Variants in SLC35E1 observed in about 807,000 individuals in gnomAD.
SLC35E1 encodes solute carrier family 35 member E1, also known as solute carrier family 35, member E1.
A neutral mutation model predicts 31.0 loss-of-function variants in SLC35E1; 12 were observed. The observed-to-expected ratio is 0.39, with a 90% CI of 0.25 to 0.63. The LOEUF is 0.63. Among genes scored for constraint, SLC35E1 ranks in the 20% least tolerant of loss-of-function variants. The probability of loss-of-function intolerance (pLI) is 0.52; values close to 1 mark genes in which losing one functional copy is unlikely to be tolerated. For synonymous variants in SLC35E1, 257 were observed against 264.1 expected (o/e 0.97, Z 0.26); for missense variants, 429 against 572.2 (o/e 0.75, Z 2.55).
chr19:16,558,926 C>T (rs979052576), intron 4 of SLC35E1, among the ~76,000 whole-genome samples: 4 of 151,614 alleles, frequency 2.6e-5, no homozygotes, highest in Non-Finnish European at 4.4e-5. Flanking sequence ...CGTGCCACCA[C>T]GCCCAGCTAA....
intron 2 of SLC35E1, among the ~76,000 whole-genome samples, chr19:16,569,150 G>A (rs549310042): frequency 1.3e-5 from 2 of 151,932 alleles, no homozygotes; most frequent in African/African-American, 4.8e-5. Flanking sequence ...TCAGCTTTCT[G>A]AGTAGCTGGG....
At chr19:16,566,425 T>G in intron 4 of SLC35E1, 107 bp downstream of exon 4, 1 of 1,490,434 alleles carries the variant, frequency 6.7e-7, no homozygotes. Flanking sequence ...GGCTGTCAGG[T>G]GCCCAAAAGA....
At chr19:16,566,282 C>T in intron 4 of SLC35E1, 1 of 465,734 alleles carries the variant, frequency 2.1e-6, no homozygotes, top group Non-Finnish European at 3.8e-6. Context: ...CTTGACGCTA[C>T]TGGCGCACAC....
intron 3 of SLC35E1, 89 bp from the exon 4 acceptor site, chr19:16,566,746 G>A (rs972811669): frequency 4.0e-6 from 6 of 1,488,226 alleles, no homozygotes; most frequent in Non-Finnish European, 5.5e-6. Context: ...ACAGTGACTG[G>A]ACATTAACCC....
In SLC35E1 at chr19:16,568,167, T is replaced by C. The variant is rs373107429; in HGVS notation, c.495A>G (p.Val165=). The change falls in exon 3 of 6, where the codon GTA becomes GTG. Residue 165 remains valine, a splice_region_variant and synonymous_variant. Transcript: ENST00000595753. ...IIMKEKQSTK[V]YLSLIPIISG... Reference sequence around the variant, plus strand: ...TGATGATGGGGATGAGTGACAAGTATACCTGCAGGAAGAGGTCATCAAGAA... The same window carrying C: ...TGATGATGGGGATGAGTGACAAGTACACCTGCAGGAAGAGGTCATCAAGAA... The C allele has an allele frequency of 2.0e-5, 32 of 1,608,426 alleles. No homozygotes were observed. In the Admixed American group the frequency reaches 4.2e-4, roughly 21 times the overall value.
Position 16,572,150 on chromosome 19 carries a change from C to T in SLC35E1, c.215G>A (p.Gly72Glu). The change falls in exon 1 of 6, where the codon GGG becomes GAG. Residue 72 changes from glycine (G) to glutamate (E), a missense_variant. Transcript: ENST00000595753. The surrounding 1 kb of genome is among the most constrained non-coding windows in gnomAD (Gnocchi z 4.1). ...CCAGGCGCGCAGCAGCGGCGGGAGC[C>T]CAGCGCACAGAGCCAGGATGTGGCA... ...SLCHILALCA[G>E]LPPLLRAWRV... The T allele has an allele frequency of 6.6e-7, 1 of 1,514,548 alleles. No individual in the cohort carries two copies. The highest frequency in any genetic ancestry group is 8.8e-7 in the Non-Finnish European group (1 of 1,131,814). The allele number at this position is 1,514,548 out of a possible 1,614,324, so 93.8% of individuals were successfully genotyped here. A position where few individuals can be genotyped will look rare whatever the true frequency, so the allele number is the denominator to read the frequency against.
At chr19:16,563,749 G>A (rs1276840507) in intron 4 of SLC35E1, among the ~76,000 whole-genome samples, 1 of 152,154 alleles carries the variant, frequency 6.6e-6, no homozygotes, top group African/African-American at 2.4e-5. Flanking sequence ...CTAAAGTGCT[G>A]GGATTCCAGG....
At chr19:16,554,517 T>C (rs1036828734) in intron 5 of SLC35E1, among the ~76,000 whole-genome samples, 20 of 151,900 alleles carry the variant, frequency 1.3e-4, no homozygotes, top group East Asian at 5.8e-4. Context: ...CATATCTACA[T>C]GTGTTAAGAA....
chr19:16,556,096 A>G (rs1226872148), intron 4 of SLC35E1, among the ~76,000 whole-genome samples: 2 of 152,164 alleles, frequency 1.3e-5, no homozygotes, highest in Non-Finnish European at 2.9e-5. Flanking sequence ...GTGGTGGCGC[A>G]TGCCTGTAAT....
At chr19:16,567,510 A>G (rs900988869) in intron 3 of SLC35E1, among the ~76,000 whole-genome samples, 1 of 152,210 alleles carries the variant, frequency 6.6e-6, no homozygotes, top group Non-Finnish European at 1.5e-5. Flanking sequence ...GTCTCAATAA[A>G]AGAGCTTTTC....
chr19:16,556,093 C>T (rs537802173), intron 4 of SLC35E1, among the ~76,000 whole-genome samples: 1 of 152,182 alleles, frequency 6.6e-6, no homozygotes, highest in African/African-American at 2.4e-5. Flanking sequence ...GGTGTGGTGG[C>T]GCATGCCTGT....
In SLC35E1 at chr19:16,572,014, G is replaced by A. The variant is rs750812338; in HGVS notation, c.351C>T (p.Phe117=). 4.5e-6 allele frequency: 7 copies of A among 1,545,814 alleles called. No individual in the cohort carries two copies. The highest frequency in any genetic ancestry group is 1.7e-4 in the Middle Eastern group (1 of 5,994). ...FYPRYVLPLA[F]GKYFASVSAH... ...CTGACACGGACGCGAAGTACTTGCC[G>A]AAGGCGAGCGGTAGCACGTAGCGCG... Residue 117 remains phenylalanine, a synonymous_variant, in exon 1 of 6, where the codon TTC becomes TTT. Transcript: ENST00000595753. This position sits in a 1 kb window ranked among gnomAD's most constrained non-coding sequence, Gnocchi z 4.1.
chr19:16,572,321 G>A lies in SLC35E1; in HGVS notation c.44C>T (p.Pro15Leu), dbSNP rs1395432468. The change falls in exon 1 of 6, where the codon CCG becomes CTG. Residue 15 changes from proline to leucine, a missense_variant. Pro to Leu is a moderately conservative substitution (Grantham distance 98). Transcript: ENST00000595753. The surrounding 1 kb of genome is among the most constrained non-coding windows in gnomAD (Gnocchi z 4.1). ...AVGAGHGAGG[P>L]GAASSSGGAR... is the part of the protein sequence containing the mutation. ...CCCACCACTGCTGCTCGCTGCGCCC[G>A]GGCCCCCCGCGCCGTGGCCCGCGCC... 2 of 1,232,316 alleles carry A rather than the reference G, an allele frequency of 1.6e-6. No homozygotes were observed. Among genetic ancestry groups the A allele is most frequent in the Non-Finnish European group, 2.0e-6 (2 of 982,122 alleles). The allele number at this position is 1,232,316 out of a possible 1,614,324, so 76.3% of individuals were successfully genotyped here.
intron 4 of SLC35E1, among the ~76,000 whole-genome samples, chr19:16,558,528 A>C (rs1308240127): frequency 1.4e-5 from 2 of 145,054 alleles, no homozygotes; most frequent in African/African-American, 2.6e-5. Flanking sequence ...GTAGAGGAGG[A>C]GTTTCACTAT....
At chr19:16,565,487 G>T in intron 4 of SLC35E1, 1 of 179,694 alleles carries the variant, frequency 5.6e-6, no homozygotes, top group Non-Finnish European at 1.2e-5. Context: ...TGGGATTATA[G>T]GCGTAAGCCA....
chr19:16,555,115 C>T lies in SLC35E1; in HGVS notation c.1002+37G>A. On this transcript the variant is annotated intron_variant, in intron 5 of 5. Coordinates refer to ENST00000595753, the MANE Select transcript of SLC35E1 (RefSeq NM_024881.5). The surrounding 1 kb of genome is among the most constrained non-coding windows in gnomAD (Gnocchi z 4.1). ...TTCTGACTTCCTGGGTGTTGGGGGGCCGGCTTCCTTCCCTGCCCAGCCTCT... is the reference window on the plus strand; with the variant it reads ...TTCTGACTTCCTGGGTGTTGGGGGGTCGGCTTCCTTCCCTGCCCAGCCTCT... 1 of 1,611,358 alleles carries T rather than the reference C, an allele frequency of 6.2e-7. No individual in the cohort carries two copies. Among genetic ancestry groups the T allele is most frequent in the East Asian group, 2.2e-5 (1 of 44,834 alleles).
At chr19:16,571,804 C>T in intron 1 of SLC35E1, 140 bp downstream of exon 1, 1 of 994,652 alleles carries the variant, frequency 1.0e-6, no homozygotes, top group Non-Finnish European at 1.5e-6. Flanking sequence ...GCGTGTCCCT[C>T]CCCTACCAAA....
At chr19:16,558,455 G>A (rs2085887590) in intron 4 of SLC35E1, among the ~76,000 whole-genome samples, 1 of 152,046 alleles carries the variant, frequency 6.6e-6, no homozygotes, top group Non-Finnish European at 1.5e-5. Context: ...ACCTGCCTCA[G>A]CCTGCCAAGT....
chr19:16,571,793 T>TG, intron 1 of SLC35E1, 151 bp downstream of exon 1: 1 of 917,078 alleles, frequency 1.1e-6, no homozygotes. Context: ...GAGAACCCCG[T>TG]GCGTGTCCCT....
Sources: allele counts gnomAD v4.1 joint callset (sites outside exome capture counted in the v4.1 genomes callset), GRCh38; gene constraint gnomAD v4.1.1; non-coding constraint Gnocchi (gnomAD v3.1); transcripts MANE v1.5; gene names NCBI Gene and HGNC (gene_info 2026-07-23, HGNC 2026-07-21).